The following GRID2 variants were observed in gnomAD, a reference collection of about 807,000 sequenced individuals.
GRID2 encodes glutamate ionotropic receptor delta type subunit 2.
In GRID2, 33 loss-of-function variants were observed where a neutral mutation model predicts 114.8. The ratio of observed to expected loss-of-function variants is 0.29; its 90% CI spans 0.22 to 0.38. The LOEUF (loss-of-function observed/expected upper bound fraction) is 0.38, where lower values mean the gene tolerates loss of function less well. GRID2 is among the 10% of genes least tolerant of loss of function. The pLI, the probability that GRID2 is intolerant of heterozygous loss-of-function variation, is 1.00. For missense variants in GRID2, 1,184 were observed against 1,257.7 expected (o/e 0.94, Z 0.89); for synonymous variants, 505 against 449.9 (o/e 1.12, Z -1.55).
chr4:93,192,763 A>C (rs1020136456), intron 4 of GRID2, among the ~76,000 whole-genome samples: 1 of 151,548 alleles, frequency 6.6e-6, no homozygotes, highest in African/African-American at 2.4e-5. Flanking sequence ...AAAAAAAAAA[A>C]AAAAAAAAGA....
intron 14 of GRID2, among the ~76,000 whole-genome samples, chr4:93,694,909 C>A (rs1481965100): frequency 1.3e-5 from 2 of 151,602 alleles, no homozygotes; most frequent in African/African-American, 2.4e-5. Context: ...CGGTGGCTCA[C>A]GCTTGTAATC....
rs559906769 is a variant in GRID2, at chr4:92,954,884, C to T, written c.245-130111C>T. Among the ~76,000 whole-genome samples the T allele has an allele frequency of 4.5e-3, 628 of 138,674 alleles. 7 individuals are homozygous for T. Among genetic ancestry groups the T allele is most frequent in the African/African-American group, 0.016 (591 of 36,112 alleles). 91.0% of individuals were successfully genotyped at this position (138,674 alleles called of 152,430 possible). ...TGCGGTGTTTGGTTTTTTGTTCTTG[C>T]GATAGTTTACTGAGAATGATGATTT... is the stretch of plus-strand genomic sequence containing the variant. On this transcript the variant is annotated intron_variant, in intron 2 of 15. Coordinates refer to ENST00000282020, the MANE Select transcript of GRID2 (RefSeq NM_001510.4).
intron 14 of GRID2, among the ~76,000 whole-genome samples, chr4:93,644,744 G>A (rs1721952610): frequency 1.3e-5 from 2 of 152,068 alleles, no homozygotes; most frequent in African/African-American, 2.4e-5. Context: ...CATTCATTAA[G>A]GTAGATGAGA....
At chr4:93,496,448 C>G (rs1727557471) in intron 12 of GRID2, among the ~76,000 whole-genome samples, 2 of 151,648 alleles carry the variant, frequency 1.3e-5, no homozygotes. Flanking sequence ...ATGTAGACTC[C>G]TATAATCACC....
chr4:93,541,798 C>T (rs996615953), intron 13 of GRID2, among the ~76,000 whole-genome samples: 12 of 152,064 alleles, frequency 7.9e-5, no homozygotes, highest in Non-Finnish European at 1.3e-4. Flanking sequence ...CCTAATTTTG[C>T]GTTTCATGAT....
chr4:92,307,800 G>A (rs1266543335), intron 1 of GRID2, among the ~76,000 whole-genome samples: 3 of 152,096 alleles, frequency 2.0e-5, no homozygotes, highest in Non-Finnish European at 2.9e-5. Context: ...ATTTAAAAAT[G>A]AATCACTTCC....
In GRID2 at chr4:93,325,672, T is replaced by C. The variant is rs150003773; in HGVS notation, c.1246-69935T>C. 4.0e-5 allele frequency among the ~76,000 whole-genome samples: 6 copies of C among 151,368 alleles called. No homozygotes were observed. The East Asian group carries it at 1.2e-3, about 30-fold the overall frequency. Reference sequence around the variant, plus strand: ...TTATTCCTGGTAAATTTTGATAGTATACTATTTTTTAGTCATATTTCAATT... The same window carrying C: ...TTATTCCTGGTAAATTTTGATAGTACACTATTTTTTAGTCATATTTCAATT... On this transcript the variant is annotated intron_variant, in intron 8 of 15. Coordinates refer to ENST00000282020, the MANE Select transcript of GRID2 (RefSeq NM_001510.4).
At chr4:93,006,085 A>C (rs555646111) in intron 2 of GRID2, among the ~76,000 whole-genome samples, 2 of 152,100 alleles carry the variant, frequency 1.3e-5, no homozygotes, top group South Asian at 4.1e-4. Context: ...CACCTCTCAC[A>C]AACACCTTCC....
rs182872772 is a variant in GRID2, at chr4:93,731,702, G to A, written c.2361-37508G>A. On this transcript the variant is annotated intron_variant, in intron 14 of 15. Transcript: ENST00000282020. ...GATGTCACCACAGAGCTTGTGGTATGCAGACTCATTCCAGATGGGCAGGCT... is the reference window on the plus strand; with the variant it reads ...GATGTCACCACAGAGCTTGTGGTATACAGACTCATTCCAGATGGGCAGGCT... Among the ~76,000 whole-genome samples the A allele has an allele frequency of 5.9e-5, 9 of 152,328 alleles. No individual in the cohort carries two copies. In the East Asian group the frequency reaches 1.5e-3, roughly 26 times the overall value.
intron 1 of GRID2, among the ~76,000 whole-genome samples, chr4:93,792,023 C>T (rs2110359395): frequency 6.6e-6 from 1 of 152,174 alleles, no homozygotes; most frequent in East Asian, 1.9e-4. Flanking sequence ...TTACAGTGTA[C>T]TTTCAAAAGG....
intron 1 of GRID2, among the ~76,000 whole-genome samples, chr4:92,564,057 A>T (rs954434354): frequency 2.6e-5 from 4 of 152,144 alleles, no homozygotes; most frequent in Non-Finnish European, 5.9e-5. Flanking sequence ...ATCTTTATAT[A>T]TTTAATCCAA....
intron 8 of GRID2, among the ~76,000 whole-genome samples, chr4:93,285,994 T>C (rs1015237268): frequency 1.3e-5 from 2 of 152,112 alleles, no homozygotes; most frequent in African/African-American, 4.8e-5. Context: ...ATAAGCTGTG[T>C]AGTTTATTTG....
intron 1 of GRID2, among the ~76,000 whole-genome samples, chr4:92,476,989 G>A (rs536596374): frequency 5.5e-4 from 82 of 148,906 alleles, no homozygotes; most frequent in Non-Finnish European, 8.3e-4. Flanking sequence ...TCATTCTTAG[G>A]ATAAAAATCC....
intron 8 of GRID2, among the ~76,000 whole-genome samples, chr4:93,382,613 T>G (rs901123928): frequency 6.6e-6 from 1 of 152,024 alleles, no homozygotes; most frequent in Non-Finnish European, 1.5e-5. Flanking sequence ...ACGTTTATAA[T>G]TTATTCATGT....
At chr4:93,077,416 T>C (rs543578670) in intron 2 of GRID2, among the ~76,000 whole-genome samples, 1 of 152,338 alleles carries the variant, frequency 6.6e-6, no homozygotes, top group East Asian at 1.9e-4. Context: ...ATATTATTCT[T>C]ACTTTTATGG....
intron 14 of GRID2, among the ~76,000 whole-genome samples, chr4:93,694,738 A>C (rs769784664): frequency 4.6e-5 from 7 of 152,156 alleles, no homozygotes; most frequent in African/African-American, 7.2e-5. Flanking sequence ...CTTCAGAGTT[A>C]CTTCACTTAT....
At chr4:92,514,997 G>T (rs1453413621) in intron 1 of GRID2, among the ~76,000 whole-genome samples, 1 of 151,812 alleles carries the variant, frequency 6.6e-6, no homozygotes, top group African/African-American at 2.4e-5. Flanking sequence ...TCTCCATCCA[G>T]CAGCGGATTG....
chr4:92,554,222 A>G (rs1434973903), intron 1 of GRID2, among the ~76,000 whole-genome samples: 1 of 152,198 alleles, frequency 6.6e-6, no homozygotes, highest in East Asian at 1.9e-4. Flanking sequence ...TTATATACGT[A>G]TACACATGCT....
intron 8 of GRID2, among the ~76,000 whole-genome samples, chr4:93,352,246 T>G (rs1282374205): frequency 2.0e-5 from 3 of 151,996 alleles, no homozygotes; most frequent in Non-Finnish European, 4.4e-5. Context: ...TTAAAATAGT[T>G]AATAACTATA....
Sources: gnomAD v4.1 joint callset for allele counts (sites outside exome capture counted in the v4.1 genomes callset) on GRCh38, gnomAD v4.1.1 for gene constraint, MANE v1.5 for transcripts, NCBI Gene and HGNC (gene_info 2026-07-23, HGNC 2026-07-21) for gene names.